The following NFIB variants were observed in gnomAD, a reference collection of about 807,000 sequenced individuals.
NFIB encodes the protein nuclear factor 1 B-type.
A neutral mutation model predicts 61.5 loss-of-function variants in NFIB; 11 were observed. That is an observed-to-expected ratio of 0.18 (90% CI 0.11 to 0.30). The LOEUF (loss-of-function observed/expected upper bound fraction) is 0.30. Ranked by LOEUF, NFIB falls within the 10% of genes least tolerant of loss-of-function variation. The pLI is 1.00. For synonymous variants in NFIB, 260 were observed against 216.5 expected, an observed-to-expected ratio of 1.20 and a Z score of -1.76; for missense variants, 471 against 608.9, an observed-to-expected ratio of 0.77 and a Z score of 2.38.
rs2053845343 is a variant in NFIB at position 14,237,414 on chromosome 9, G to GC, written c.563-57635dup. On this transcript the variant is annotated intron_variant, in intron 2 of 10. Transcript: ENST00000380953. ...CCCTAACACCCAAAAAGTGCCGAAGGCCAGCACACACAGGGAAAAGCTTGG... is the reference window on the plus strand; with the variant it reads ...CCCTAACACCCAAAAAGTGCCGAAGGCCCAGCACACACAGGGAAAAGCTTGG... Among the ~76,000 whole-genome samples the GC allele has an allele frequency of 2.6e-5, 4 of 152,272 alleles. No homozygotes were observed. In the South Asian group the frequency reaches 8.3e-4, roughly 32 times the overall value.
chr9:14,262,633 G>A (rs2056863571), intron 2 of NFIB, among the ~76,000 whole-genome samples: 1 of 149,220 alleles, frequency 6.7e-6, no homozygotes, highest in Non-Finnish European at 1.5e-5. Flanking sequence ...GCTTATAACG[G>A]CTAGGGTTTT....
chr9:14,130,761 T>C (rs1177286549), intron 6 of NFIB, among the ~76,000 whole-genome samples: 2 of 152,118 alleles, frequency 1.3e-5, no homozygotes, highest in Non-Finnish European at 2.9e-5. Flanking sequence ...ATCTCTGGCA[T>C]GTGAAAGAAA....
intron 3 of NFIB, among the ~76,000 whole-genome samples, chr9:14,161,359 A>C (rs1487114324): frequency 6.6e-6 from 1 of 152,158 alleles, no homozygotes; most frequent in African/African-American, 2.4e-5. Context: ...TTTAGAATTA[A>C]GTGTATCTCT....
In NFIB at chr9:14,227,163, GA is replaced by G. The variant is rs2052536658; in HGVS notation, c.563-47384del. ...TGTCAAAAAAAAAAAAAAAAAGAAA[GA>G]AAAGTAAAGTAAAAGAAAAGAAATA... On this transcript the variant is annotated intron_variant, in intron 2 of 10. Coordinates refer to ENST00000380953, the MANE Select transcript of NFIB (RefSeq NM_001190737.2). Among the ~76,000 whole-genome samples the G allele has an allele frequency of 2.1e-4, 30 of 145,604 alleles. 1 individual carries two copies. Among genetic ancestry groups the G allele is most frequent in the African/African-American group, 7.6e-4 (30 of 39,392 alleles).
chr9:14,410,766 C>T, the NFIB span, among the ~76,000 whole-genome samples: 1 of 152,158 alleles, frequency 6.6e-6, no homozygotes, highest in African/African-American at 2.4e-5. Context: ...CATGAGGTCT[C>T]TCCTGTGCTC....
At chr9:14,476,161 T>C in the NFIB span, among the ~76,000 whole-genome samples, 1 of 151,800 alleles carries the variant, frequency 6.6e-6, no homozygotes, top group Non-Finnish European at 1.5e-5. Context: ...ATATTAGAAG[T>C]TCAAAAGGAA....
chr9:14,234,874 A>T (rs1450075089), intron 2 of NFIB, among the ~76,000 whole-genome samples: 1 of 151,748 alleles, frequency 6.6e-6, no homozygotes, highest in East Asian at 1.9e-4. Flanking sequence ...GAGGATCAGA[A>T]TAACAATAGT....
intron 6 of NFIB, among the ~76,000 whole-genome samples, chr9:14,136,684 C>A (rs1235463557): frequency 6.6e-6 from 1 of 152,126 alleles, no homozygotes; most frequent in Admixed American, 6.6e-5. Flanking sequence ...ACAGGAAAGT[C>A]CTATAAATGA....
the NFIB span, among the ~76,000 whole-genome samples, chr9:14,404,473 A>G: frequency 6.6e-6 from 1 of 152,194 alleles, no homozygotes. Context: ...TACTTGTTCA[A>G]AATACTCTTT....
chr9:14,382,543 G>A (rs1264518494), intron 1 of NFIB, among the ~76,000 whole-genome samples: 2 of 152,076 alleles, frequency 1.3e-5, no homozygotes, highest in African/African-American at 2.4e-5. Flanking sequence ...TGGCTCAATA[G>A]GGAATTGTTT....
intron 2 of NFIB, among the ~76,000 whole-genome samples, chr9:14,268,028 A>C (rs1476922922): frequency 6.6e-6 from 1 of 151,822 alleles, no homozygotes; most frequent in Non-Finnish European, 1.5e-5. Context: ...GCTGATACTC[A>C]GGAGGCTGAG....
intron 2 of NFIB, among the ~76,000 whole-genome samples, chr9:14,189,835 G>C (rs2047753758): frequency 6.6e-6 from 1 of 150,534 alleles, no homozygotes; most frequent in South Asian, 2.1e-4. Context: ...GATGATGACT[G>C]GTAGCAGTTA....
At chr9:14,198,633 G>C (rs1296930206) in intron 2 of NFIB, among the ~76,000 whole-genome samples, 1 of 152,134 alleles carries the variant, frequency 6.6e-6, no homozygotes, top group African/African-American at 2.4e-5. Context: ...TAGAAATTCA[G>C]ATTCCTCGAC....
At chr9:14,387,960 A>G (rs1457294197) in intron 1 of NFIB, among the ~76,000 whole-genome samples, 1 of 152,126 alleles carries the variant, frequency 6.6e-6, no homozygotes, top group African/African-American at 2.4e-5. Context: ...CTTCTACCCA[A>G]CTGTGAGGCA....
chr9:14,451,324 A>G, the NFIB span, among the ~76,000 whole-genome samples: 1 of 152,188 alleles, frequency 6.6e-6, no homozygotes, highest in Non-Finnish European at 1.5e-5. Context: ...ATTTCACAGT[A>G]TTTCTTTCTT....
intron 2 of NFIB, among the ~76,000 whole-genome samples, chr9:14,216,804 G>C (rs551433434): frequency 2.0e-5 from 3 of 152,244 alleles, no homozygotes; most frequent in African/African-American, 7.2e-5. Context: ...TTTTCTAAAA[G>C]AAAGGAAAAT....
At chr9:14,270,122 A>C (rs4740565) in intron 2 of NFIB, among the ~76,000 whole-genome samples, 4 of 152,134 alleles carry the variant, frequency 2.6e-5, no homozygotes, top group Non-Finnish European at 5.9e-5. Flanking sequence ...TACTTCCATC[A>C]TTAAGGAAAC....
rs75576491 is a variant in NFIB, at chr9:14,177,151, T to A, written c.616+2576A>T. ...TGTGGTGGTAGACTGAATTTTCTCA[T>A]ACATGGATCGTGCCTTCTCAAGACA... On this transcript the variant is annotated intron_variant, in intron 3 of 10. Transcript: ENST00000380953. Among the ~76,000 whole-genome samples, 677 of 152,304 alleles carry A rather than the reference T, an allele frequency of 4.4e-3. 4 individuals carry two copies. The highest frequency in any genetic ancestry group is 7.9e-3 in the Non-Finnish European group (540 of 68,020).
chr9:14,340,632 A>G (rs2060938785), intron 1 of NFIB, among the ~76,000 whole-genome samples: 1 of 152,226 alleles, frequency 6.6e-6, no homozygotes. Flanking sequence ...GTAGAAGCAA[A>G]CTTTTCTCTC....
Sources: gnomAD v4.1 joint callset for allele counts (sites outside exome capture counted in the v4.1 genomes callset) on GRCh38, gnomAD v4.1.1 for gene constraint, MANE v1.5 for transcripts, NCBI Gene and HGNC (gene_info 2026-07-23, HGNC 2026-07-21) for gene names.